Variants in DRC11L observed in about 807,000 individuals in gnomAD.
DRC11L encodes dynein regulatory complex subunit like-11.
At chr7:151,199,439 G>C in the DRC11L span, among the ~76,000 whole-genome samples, 41 of 152,316 alleles carry the variant, frequency 2.7e-4, 1 homozygote, top group South Asian at 8.1e-3. The surrounding 1 kb of genome is among the most constrained non-coding windows in gnomAD (Gnocchi z 5.2). Context: ...AGCTCACACT[G>C]TTGATAGGCC....
chr7:151,191,585 G>T, the DRC11L span: 4 of 398,872 alleles, frequency 1.0e-5, no homozygotes, highest in African/African-American at 2.1e-5. Flanking sequence ...GCTTCAGGGG[G>T]CTGACTCCCC....
At chr7:151,192,880 G>A in the DRC11L span, 1 of 398,806 alleles carries the variant, frequency 2.5e-6, no homozygotes, top group East Asian at 3.6e-5. Context: ...CTGGAGAAGG[G>A]TCATGTCCCT....
At chr7:151,203,261 A>C in the DRC11L span, 1 of 398,286 alleles carries the variant, frequency 2.5e-6, no homozygotes, top group Non-Finnish European at 4.4e-6. Context: ...CATCAGCAGA[A>C]GAACAGCCTT....
chr7:151,196,063 A>G, the DRC11L span: 1 of 234,588 alleles, frequency 4.3e-6, no homozygotes, highest in East Asian at 8.2e-5. Flanking sequence ...TGTGTGAAAG[A>G]TCACATGACT....
At chr7:151,194,837 G>A in the DRC11L span, among the ~76,000 whole-genome samples, 1 of 152,238 alleles carries the variant, frequency 6.6e-6, no homozygotes. Flanking sequence ...TCTGTAAGAG[G>A]GGTGTGAGGG....
the DRC11L span, among the ~76,000 whole-genome samples, chr7:151,199,922 C>G: frequency 6.7e-6 from 1 of 148,168 alleles, no homozygotes; most frequent in Non-Finnish European, 1.5e-5. This position sits in a 1 kb window ranked among gnomAD's most constrained non-coding sequence, Gnocchi z 5.2. Context: ...GCCAGGCACA[C>G]GTGTGTGCAC....
chr7:151,200,864 T>G, the DRC11L span, among the ~76,000 whole-genome samples: 1 of 152,096 alleles, frequency 6.6e-6, no homozygotes, highest in Non-Finnish European at 1.5e-5. Context: ...CCTCAGTTAA[T>G]CCTACATTTT....
the DRC11L span, among the ~76,000 whole-genome samples, chr7:151,199,316 C>T: frequency 1.3e-5 from 2 of 152,254 alleles, no homozygotes; most frequent in African/African-American, 4.8e-5. This position sits in a 1 kb window ranked among gnomAD's most constrained non-coding sequence, Gnocchi z 5.2. Flanking sequence ...CCCGCCTGCA[C>T]CCCCGCCCCG....
At chr7:151,191,100 G>C in the DRC11L span, 7 of 399,112 alleles carry the variant, frequency 1.8e-5, no homozygotes, top group Non-Finnish European at 3.1e-5. Flanking sequence ...GGGTTGGTGG[G>C]TACAGGAGTG....
chr7:151,193,336 A>T, the DRC11L span: 1 of 399,618 alleles, frequency 2.5e-6, no homozygotes, highest in East Asian at 3.6e-5. Context: ...TCCTGCCAGG[A>T]TATTTGCCCA....
chr7:151,200,252 G>C, the DRC11L span: 19 of 398,358 alleles, frequency 4.8e-5, 1 homozygote, highest in East Asian at 6.4e-4. Context: ...TTCTCTCCCA[G>C]GCTGTTCACC....
the DRC11L span, among the ~76,000 whole-genome samples, chr7:151,196,705 GT>G: frequency 2.0e-5 from 3 of 152,198 alleles, no homozygotes; most frequent in Non-Finnish European, 4.4e-5. Context: ...TGGTTGCCTT[GT>G]CCCCACCCAC....
At chr7:151,198,683 G>A in the DRC11L span, 1 of 397,486 alleles carries the variant, frequency 2.5e-6, no homozygotes, top group Non-Finnish European at 4.4e-6. Flanking sequence ...AGGAGAAAAG[G>A]CCCCATCTGG....
chr7:151,200,226 C>G, the DRC11L span, among the ~76,000 whole-genome samples: 1 of 152,198 alleles, frequency 6.6e-6, no homozygotes, highest in African/African-American at 2.4e-5. Flanking sequence ...GGGGGCTTTT[C>G]TGTCCTTCTG....
chr7:151,196,134 TG>T, the DRC11L span, among the ~76,000 whole-genome samples: 10 of 151,806 alleles, frequency 6.6e-5, no homozygotes, highest in East Asian at 7.7e-4. Flanking sequence ...CTGAGGATGG[TG>T]GGGGGGTGTG....
chr7:151,197,292 G>C, the DRC11L span: 1 of 397,158 alleles, frequency 2.5e-6, no homozygotes, highest in East Asian at 3.6e-5. Flanking sequence ...CCTTTTTTCT[G>C]TTCTCTTGCA....
At chr7:151,203,088 T>C in the DRC11L span, 1 of 399,248 alleles carries the variant, frequency 2.5e-6, no homozygotes, top group East Asian at 3.6e-5. Context: ...GGTGCATTCC[T>C]GTAAAGCTCT....
At chr7:151,193,369 G>C in the DRC11L span, 2 of 399,604 alleles carry the variant, frequency 5.0e-6, no homozygotes, top group Non-Finnish European at 8.8e-6. Context: ...GCGACAGGTC[G>C]AACAGGTTGG....
At chr7:151,203,863 C>T in the DRC11L span, among the ~76,000 whole-genome samples, 1 of 152,142 alleles carries the variant, frequency 6.6e-6, no homozygotes, top group Non-Finnish European at 1.5e-5. Flanking sequence ...TCCCTGCGCC[C>T]CCACCCCCGA....
Sources: allele counts gnomAD v4.1 joint callset (sites outside exome capture counted in the v4.1 genomes callset), GRCh38; gene constraint gnomAD v4.1.1; non-coding constraint Gnocchi (gnomAD v3.1); transcripts MANE v1.5; gene names NCBI Gene and HGNC (gene_info 2026-07-23, HGNC 2026-07-21).